The following BCAR3 variants were observed in gnomAD, a reference collection of about 807,000 sequenced individuals.
The protein encoded by BCAR3 is breast cancer anti-estrogen resistance protein 3.
In BCAR3, 37 loss-of-function variants were observed where a neutral mutation model predicts 80.1. That is an observed-to-expected ratio of 0.46 (90% CI 0.36 to 0.61). BCAR3 has a LOEUF of 0.61. BCAR3 is among the 20% of genes least tolerant of loss of function. The pLI is 0.00. For missense variants in BCAR3, 978 were observed against 1,068.2 expected, an observed-to-expected ratio of 0.92 and a Z score of 1.18; for synonymous variants, 389 against 418.9, an observed-to-expected ratio of 0.93 and a Z score of 0.87.
chr1:93,641,835 T>A (rs764075041), intron 3 of BCAR3, among the ~76,000 whole-genome samples: 1 of 152,108 alleles, frequency 6.6e-6, no homozygotes, highest in Non-Finnish European at 1.5e-5. Flanking sequence ...TCCAAAAAAC[T>A]CTGAACACTA....
At chr1:93,768,001 T>C (rs1475452664) in intron 2 of BCAR3, among the ~76,000 whole-genome samples, 1 of 152,196 alleles carries the variant, frequency 6.6e-6, no homozygotes, top group African/African-American at 2.4e-5. Flanking sequence ...TGCTCTGCCT[T>C]AGTCTAGGCC....
At chr1:93,744,880 GAGATTT>G (rs1651303221) in intron 2 of BCAR3, among the ~76,000 whole-genome samples, 1 of 152,220 alleles carries the variant, frequency 6.6e-6, no homozygotes, top group South Asian at 2.1e-4. Flanking sequence ...ACAAATGAAA[GAGATTT>G]GCCCAAACTG....
chr1:93,662,237 T>C (rs1289177785), intron 2 of BCAR3, among the ~76,000 whole-genome samples: 3 of 152,206 alleles, frequency 2.0e-5, no homozygotes, highest in African/African-American at 4.8e-5. Flanking sequence ...TTAATGCTCC[T>C]GAAAATCACG....
chr1:93,571,106 A>C (rs904938485), intron 9 of BCAR3, among the ~76,000 whole-genome samples: 10 of 152,036 alleles, frequency 6.6e-5, no homozygotes, highest in African/African-American at 2.2e-4. Flanking sequence ...CAGGAGGCTG[A>C]GGCAGGAGAA....
intron 2 of BCAR3, among the ~76,000 whole-genome samples, chr1:93,761,944 G>C (rs559909078): frequency 2.0e-5 from 3 of 152,172 alleles, no homozygotes; most frequent in South Asian, 4.2e-4. Context: ...ACTGCTGTCT[G>C]GGCTCTCAGG....
chr1:93,841,635 ACTT>A (rs1654964155), intron 2 of BCAR3, among the ~76,000 whole-genome samples: 1 of 152,164 alleles, frequency 6.6e-6, no homozygotes, highest in Non-Finnish European at 1.5e-5. Flanking sequence ...TCATGACTAG[ACTT>A]CTTCTCTGAA....
Position 93,583,841 on chromosome 1 carries a change from C to T in BCAR3, c.1033+177G>A, listed in dbSNP as rs374848504. On this transcript the variant is annotated intron_variant, in intron 6 of 11. Coordinates refer to ENST00000260502, the MANE Select transcript of BCAR3 (RefSeq NM_003567.4). Reference sequence around the variant, plus strand: ...GCTACGAGGCCTAAAAGCTGGCATACGGTGTCTAGCTCAGTGCTTCGCCGC... The same window carrying T: ...GCTACGAGGCCTAAAAGCTGGCATATGGTGTCTAGCTCAGTGCTTCGCCGC... 9.3e-4 allele frequency among the ~76,000 whole-genome samples: 142 copies of T among 152,290 alleles called. 1 individual carries two copies. Among genetic ancestry groups the T allele is most frequent in the African/African-American group, 3.2e-3 (134 of 41,570 alleles).
At chr1:93,625,454 A>AAAATACACC (rs1248628156) in intron 3 of BCAR3, among the ~76,000 whole-genome samples, 1 of 152,206 alleles carries the variant, frequency 6.6e-6, no homozygotes, top group East Asian at 1.9e-4. Flanking sequence ...AGACCCCTTC[A>AAAATACACC]AAATACACCC....
chr1:93,720,678 A>T (rs1184680074), intron 2 of BCAR3, among the ~76,000 whole-genome samples: 2 of 152,166 alleles, frequency 1.3e-5, no homozygotes, highest in Non-Finnish European at 2.9e-5. Flanking sequence ...CCTAATAAAA[A>T]CTCAGAATCA....
chr1:93,583,499 C>G (rs1673812155), intron 6 of BCAR3, among the ~76,000 whole-genome samples: 3 of 151,776 alleles, frequency 2.0e-5, no homozygotes, highest in African/African-American at 7.3e-5. Context: ...TGAAAACAAC[C>G]CCCTGTCTTA....
rs1163335803 is a variant in BCAR3, at chr1:93,582,230, G to T, written c.1686+71C>A. On this transcript the variant is annotated intron_variant, in intron 7 of 11. Transcript: ENST00000260502. ...TCCTTCCAAACCTACAAAAGCCAGAGGAGCACCGGGACCCCTAGCTCTTAC... is the reference window on the plus strand; with the variant it reads ...TCCTTCCAAACCTACAAAAGCCAGATGAGCACCGGGACCCCTAGCTCTTAC... The T allele has an allele frequency of 2.0e-6, 3 of 1,535,438 alleles. No homozygotes were observed. The East Asian group carries it at 6.8e-5, about 35-fold the overall frequency.
chr1:93,660,507 C>G (rs907111875), intron 2 of BCAR3, among the ~76,000 whole-genome samples: 3 of 152,174 alleles, frequency 2.0e-5, no homozygotes, highest in African/African-American at 7.2e-5. Context: ...AGAAAACAAA[C>G]AGGCTTAAAA....
intron 3 of BCAR3, among the ~76,000 whole-genome samples, chr1:93,597,197 C>G (rs1454634303): frequency 6.6e-6 from 1 of 152,182 alleles, no homozygotes; most frequent in Non-Finnish European, 1.5e-5. Context: ...GTTACCCACT[C>G]ACATGGCCCC....
intron 3 of BCAR3, among the ~76,000 whole-genome samples, chr1:93,692,100 A>C (rs1001393492): frequency 3.9e-5 from 6 of 152,218 alleles, no homozygotes; most frequent in African/African-American, 1.4e-4. Flanking sequence ...TTTGATTTTT[A>C]AATAAGTGAT....
chr1:93,642,395 CA>C, intron 2 of BCAR3, 52 bp from the exon 3 acceptor site: 1 of 1,512,546 alleles, frequency 6.6e-7, no homozygotes, highest in South Asian at 1.1e-5. Flanking sequence ...TGCATTCTTA[CA>C]TTGAGTATAA....
Position 93,681,772 on chromosome 1 carries a change from GCGCCC to G in BCAR3, c.-191_-187del, listed in dbSNP as rs1648777930. 6.6e-6 allele frequency: 1 copy of G among 151,824 alleles called. No individual in the cohort carries two copies. The highest frequency in any genetic ancestry group is 6.6e-5 in the Admixed American group (1 of 15,240). 9.4% of individuals were successfully genotyped at this position (151,824 alleles called of 1,614,324 possible). On this transcript the variant is annotated 5_prime_UTR_variant, in exon 1 of 12. Transcript: ENST00000260502. ...AGAATCCCGCGCGCGTCTAGCCGGT[GCGCCC>G]CGCAGCTCCGGCTCCGGTCCCGGCC...
intron 1 of BCAR3, chr1:93,846,974 G>GC (rs1655230454): frequency 5.2e-6 from 1 of 193,828 alleles, no homozygotes; most frequent in Admixed American, 1.4e-4. Flanking sequence ...CAGACGTCGC[G>GC]CGGCGGCGCT....
chr1:93,628,722 CTCA>C (rs2101896619), intron 3 of BCAR3, among the ~76,000 whole-genome samples: 1 of 152,328 alleles, frequency 6.6e-6, no homozygotes, highest in East Asian at 1.9e-4. Context: ...CTGCTAAGCA[CTCA>C]TCGTCAGCTA....
chr1:93,640,975 T>C (rs575885524), intron 3 of BCAR3, among the ~76,000 whole-genome samples: 2 of 152,328 alleles, frequency 1.3e-5, no homozygotes, highest in African/African-American at 2.4e-5. Flanking sequence ...TCACAGTCTA[T>C]GCAAATAGCA....
Sources: allele counts gnomAD v4.1 joint callset (sites outside exome capture counted in the v4.1 genomes callset), GRCh38; gene constraint gnomAD v4.1.1; transcripts MANE v1.5; gene names NCBI Gene and HGNC (gene_info 2026-07-23, HGNC 2026-07-21).